Variants in ADAMTS7 observed in about 807,000 individuals in gnomAD.
ADAMTS7 encodes the protein A disintegrin and metalloproteinase with thrombospondin motifs 7.
ADAMTS7 carries 89 observed loss-of-function variants against 172.6 expected under a neutral mutation model. That is an observed-to-expected ratio of 0.52 (90% confidence interval 0.43 to 0.61). The LOEUF (loss-of-function observed/expected upper bound fraction) is 0.61, where lower values mean the gene tolerates loss of function less well. ADAMTS7 is among the 20% of genes least tolerant of loss of function. The pLI, the probability that ADAMTS7 is intolerant of heterozygous loss-of-function variation, is 0.00. For synonymous variants in ADAMTS7, 885 were observed against 978.4 expected (o/e 0.90, Z 1.78); for missense variants, 1,973 against 2,355.6 (o/e 0.84, Z 3.36).
chr15:78,802,480 C>T (rs2141525238), intron 1 of ADAMTS7, among the ~76,000 whole-genome samples: 1 of 152,328 alleles, frequency 6.6e-6, no homozygotes, highest in East Asian at 1.9e-4. Context: ...ACCACCACTT[C>T]AACAGGGTAG....
intron 4 of ADAMTS7, among the ~76,000 whole-genome samples, chr15:78,794,771 G>A (rs543972747): frequency 1.1e-4 from 16 of 152,308 alleles, no homozygotes; most frequent in Admixed American, 3.9e-4. Context: ...AGGCAGGAGT[G>A]CAGTGGCACG....
chr15:78,767,205 G>A (rs4887099), intron 18 of ADAMTS7, among the ~76,000 whole-genome samples, 154 bp from the exon 19 acceptor site: 1 of 152,036 alleles, frequency 6.6e-6, no homozygotes, highest in South Asian at 2.1e-4. Context: ...GGCCATGACT[G>A]TGGCCATGCT....
At chr15:78,765,070 A>C (rs1258653028) in intron 19 of ADAMTS7, 1 of 243,040 alleles carries the variant, frequency 4.1e-6, no homozygotes, top group African/African-American at 2.3e-5. Context: ...TGGTACCAGC[A>C]GCCAAATCGC....
At chr15:78,790,942 C>A in intron 5 of ADAMTS7, 148 bp from the exon 6 acceptor site, 1 of 1,344,680 alleles carries the variant, frequency 7.4e-7, no homozygotes, top group Non-Finnish European at 1.0e-6. Flanking sequence ...CCTGACCATC[C>A]CTCCTGTAGG....
intron 2 of ADAMTS7, among the ~76,000 whole-genome samples, chr15:78,798,373 C>T (rs2055674467): frequency 6.6e-6 from 1 of 152,216 alleles, no homozygotes; most frequent in South Asian, 2.1e-4. Flanking sequence ...GATGCTGCCC[C>T]ACACACCCAC....
chr15:78,802,970 CT>C (rs1434160203), intron 1 of ADAMTS7, among the ~76,000 whole-genome samples: 3 of 152,020 alleles, frequency 2.0e-5, no homozygotes, highest in Non-Finnish European at 4.4e-5. Flanking sequence ...GCACTCCAGC[CT>C]GGGCGACAGA....
rs778344267 is a variant in ADAMTS7 at position 78,771,228 on chromosome 15, C to T, written c.2452G>A (p.Val818Ile). The change falls in exon 16 of 24, where the codon GTC becomes ATC. Residue 818 changes from valine (V) to isoleucine (I), a missense_variant. By Grantham distance (29) the Val-to-Ile change is conservative (BLOSUM62 3). This residue lies in a region of ADAMTS7 where 771 missense variants were observed against 952.6 expected (regional missense o/e 0.81). Coordinates refer to ENST00000388820, the MANE Select transcript of ADAMTS7 (RefSeq NM_014272.5). The surrounding 1 kb of genome is among the most constrained non-coding windows in gnomAD (Gnocchi z 4.9). ...TGCCAGGAGAACACGGGCGGCGGGA[C>T]CTCGTCGTGGCCACCTGCCTCCCTG... ...IHREAGGHDE[V>I]PPPVFSWHYG... 6.2e-7 allele frequency: 1 copy of T among 1,612,044 alleles called. No homozygotes were observed. Among genetic ancestry groups the T allele is most frequent in the African/African-American group, 1.3e-5 (1 of 74,948 alleles).
intron 17 of ADAMTS7, among the ~76,000 whole-genome samples, chr15:78,767,900 G>T (rs1596175944): frequency 2.0e-5 from 3 of 151,608 alleles, no homozygotes; most frequent in African/African-American, 7.3e-5. Context: ...CCTAGGCTGG[G>T]GTGAGGGGTA....
chr15:78,767,180 C>G (rs1450206861), intron 18 of ADAMTS7, 129 bp from the exon 19 acceptor site: 5 of 1,189,474 alleles, frequency 4.2e-6, no homozygotes, highest in Non-Finnish European at 5.8e-6. Context: ...CCCTCTCTGG[C>G]CCTTCCCAGC....
rs34137795 is a variant in ADAMTS7 at position 78,783,904 on chromosome 15, T to TA, written c.1322+4326dup. ...AAGTATAATGCAAATACTCAAAAATTAAAAAAAAAATCCAAAATCTAAAAC... is the reference window on the plus strand; with the variant it reads ...AAGTATAATGCAAATACTCAAAAATTAAAAAAAAAAATCCAAAATCTAAAAC... On this transcript the variant is annotated intron_variant, in intron 8 of 23. Transcript: ENST00000388820. Among the ~76,000 whole-genome samples the TA allele has an allele frequency of 1.7e-3, 254 of 151,260 alleles. 2 individuals carry two copies. Among genetic ancestry groups the TA allele is most frequent in the African/African-American group, 5.3e-3 (218 of 41,100 alleles).
At chr15:78,807,870 TTTC>T (rs1274888932) in intron 1 of ADAMTS7, among the ~76,000 whole-genome samples, 11 of 132,356 alleles carry the variant, frequency 8.3e-5, no homozygotes, top group Non-Finnish European at 1.5e-4. Context: ...TATTTATTTA[TTTC>T]TTTTTTTTTT....
intron 19 of ADAMTS7, 117 bp downstream of exon 19, chr15:78,765,528 T>C (rs2055124985): frequency 7.3e-6 from 11 of 1,509,868 alleles, no homozygotes; most frequent in East Asian, 6.8e-5. Context: ...TGGGAACCCC[T>C]GCCCCAAGAG....
intron 3 of ADAMTS7, 31 bp downstream of exon 3, chr15:78,797,917 C>G (rs1200425681): frequency 1.3e-6 from 2 of 1,584,330 alleles, no homozygotes; most frequent in African/African-American, 2.7e-5. Context: ...GGCCCAGCAC[C>G]CACCCGAGAA....
chr15:78,796,484 C>T, intron 4 of ADAMTS7, 106 bp downstream of exon 4: 4 of 1,333,720 alleles, frequency 3.0e-6, no homozygotes, highest in Non-Finnish European at 4.1e-6. Flanking sequence ...GGGCCTAGAC[C>T]TGGGTCTGGG....
intron 11 of ADAMTS7, among the ~76,000 whole-genome samples, chr15:78,775,685 GCCA>G (rs2055332269): frequency 6.6e-6 from 1 of 152,166 alleles, no homozygotes; most frequent in Admixed American, 6.5e-5. Context: ...AGCCTCTGAG[GCCA>G]CCAAGCCCCT....
At position 78,777,480 on chromosome 15, in the gene ADAMTS7, C is replaced by A; in HGVS notation, c.1431G>T (p.Gln477His). The change falls in exon 9 of 24, where the codon CAG becomes CAT. Residue 477 changes from glutamine (Q) to histidine (H), a missense_variant. Physicochemically the swap from Gln to His is conservative, Grantham distance 24. Coordinates refer to ENST00000388820, the MANE Select transcript of ADAMTS7 (RefSeq NM_014272.5). ...CGCAGAAGGCAGAGTAGGCCCCGTA[C>A]TGGAGGCGGCACTGGTGGCTTACAT... ...LYDVSHQCRLQYGAYSAFCED... is the reference protein window; with the variant it reads ...LYDVSHQCRLHYGAYSAFCED... 1 of 1,613,060 alleles carries A rather than the reference C, an allele frequency of 6.2e-7. No homozygotes were observed. Among genetic ancestry groups the A allele is most frequent in the Non-Finnish European group, 8.5e-7 (1 of 1,179,636 alleles).
At chr15:78,807,872 T>TA (rs1567247680) in intron 1 of ADAMTS7, among the ~76,000 whole-genome samples, 3 of 132,638 alleles carry the variant, frequency 2.3e-5, no homozygotes, top group African/African-American at 7.5e-5. Flanking sequence ...TTTATTTATT[T>TA]CTTTTTTTTT....
rs377367890 is a variant in ADAMTS7 at position 78,766,195 on chromosome 15, G to T, written c.3716C>A (p.Thr1239Lys). The change falls in exon 19 of 24, where the codon ACG becomes AAG. Residue 1239 changes from threonine (T) to lysine (K), a missense_variant. Transcript: ENST00000388820. ...APHLPPRPSSTLPPLSPVGST... is the reference protein window; with the variant it reads ...APHLPPRPSSKLPPLSPVGST... The stretch of plus-strand genomic sequence containing the variant: ...GCCAACAGGGGACAAAGGGGGCAGC[G>T]TGGAGCTGGGTCTCGGGGGCAGGTG... 6.2e-7 allele frequency: 1 copy of T among 1,611,682 alleles called. No homozygotes were observed. The highest frequency in any genetic ancestry group is 8.5e-7 in the Non-Finnish European group (1 of 1,179,752).
rs141239028 is a variant in ADAMTS7, at chr15:78,775,030, C to T, written c.1707-237G>A. Among the ~76,000 whole-genome samples the T allele has an allele frequency of 1.6e-3, 242 of 152,362 alleles. 1 individual carries two copies. The highest frequency in any genetic ancestry group is 5.7e-3 in the African/African-American group (235 of 41,580). ...AAGCCTGAGCTCTGCCCCCAACCTA[C>T]AGTGTGACCGTGGGCAAGTCTTCGG... is the stretch of plus-strand genomic sequence containing the variant. On this transcript the variant is annotated intron_variant, in intron 11 of 23. Transcript: ENST00000388820.
Sources: allele counts gnomAD v4.1 joint callset (sites outside exome capture counted in the v4.1 genomes callset), GRCh38; gene constraint gnomAD v4.1.1; regional missense constraint gnomAD v4.1.1; non-coding constraint Gnocchi (gnomAD v3.1); transcripts MANE v1.5; gene names NCBI Gene and HGNC (gene_info 2026-07-23, HGNC 2026-07-21).